EEA1: variants seen among roughly 807,000 people sequenced by gnomAD.
EEA1 encodes the protein early endosome antigen 1, 162kD.
EEA1 carries 111 observed loss-of-function variants against 209.2 expected under a neutral mutation model. The observed-to-expected ratio is 0.53, with a 90% CI of 0.45 to 0.62. The LOEUF (loss-of-function observed/expected upper bound fraction) is 0.62, where lower values mean the gene tolerates loss of function less well. Ranked by LOEUF, EEA1 falls within the 20% of genes least tolerant of loss-of-function variation. The pLI is 0.00. For missense variants in EEA1, 1,343 were observed against 1,530.8 expected (o/e 0.88, Z 2.05); for synonymous variants, 536 against 540.6 (o/e 0.99, Z 0.12).
In EEA1 at chr12:92,886,998, CAACA is replaced by C. The variant is rs1555207007; in HGVS notation, c.117+4627_117+4630del. ...TGGGCAACAGAGCGGGACTCCATCT[CAACA>C]AACAAACAAACAAACAAACAAACAA... On this transcript the variant is annotated intron_variant, in intron 2 of 28. Coordinates refer to ENST00000322349, the MANE Select transcript of EEA1 (RefSeq NM_003566.4). Among the ~76,000 whole-genome samples, 63 of 150,006 alleles carry C rather than the reference CAACA, an allele frequency of 4.2e-4. No individual in the cohort carries two copies. In the South Asian group the frequency reaches 6.5e-3, roughly 15 times the overall value.
rs1239750435 is a variant in EEA1 at position 92,819,523 on chromosome 12, T to C, written c.1525-12A>G. 1.3e-6 allele frequency: 2 copies of C among 1,553,676 alleles called. No individual in the cohort carries two copies. The highest frequency in any genetic ancestry group is 2.1e-4 in the Middle Eastern group (1 of 4,802). Reference sequence around the variant, plus strand: ...TGTTCCAAATCATTCTGTAAAGAATTGAAAACTACTACTTTAAGAATAGAG... The same window carrying C: ...TGTTCCAAATCATTCTGTAAAGAATCGAAAACTACTACTTTAAGAATAGAG... On this transcript the variant is annotated splice_polypyrimidine_tract_variant and intron_variant, in intron 13 of 28. Coordinates refer to ENST00000322349, the MANE Select transcript of EEA1 (RefSeq NM_003566.4).
chr12:92,801,514 G>T, intron 20 of EEA1, 86 bp downstream of exon 20: 4 of 880,998 alleles, frequency 4.5e-6, no homozygotes, highest in Non-Finnish European at 4.9e-6. Flanking sequence ...ATGCCCCCAA[G>T]AACAAACATG....
chr12:92,795,300 C>T (rs938037214), intron 21 of EEA1, among the ~76,000 whole-genome samples: 9 of 152,204 alleles, frequency 5.9e-5, no homozygotes, highest in African/African-American at 2.2e-4. Context: ...TTCAGCAAAG[C>T]TTCTTTGATC....
At chr12:92,896,313 T>C (rs756809768) in intron 1 of EEA1, among the ~76,000 whole-genome samples, 2 of 152,130 alleles carry the variant, frequency 1.3e-5, no homozygotes, top group Non-Finnish European at 2.9e-5. Flanking sequence ...GGAGGAGGAA[T>C]GGCTTCTTAG....
At chr12:92,911,741 G>T (rs12309380) in intron 1 of EEA1, among the ~76,000 whole-genome samples, 224 of 152,316 alleles carry the variant, frequency 1.5e-3, no homozygotes, top group African/African-American at 5.2e-3. Flanking sequence ...GGGGCAGGAA[G>T]TACATGGGAA....
chr12:92,820,701 T>C (rs1281234493), intron 13 of EEA1, among the ~76,000 whole-genome samples: 1 of 152,144 alleles, frequency 6.6e-6, no homozygotes, highest in East Asian at 1.9e-4. Flanking sequence ...CCATGGTACA[T>C]GTGTAACTAT....
At chr12:92,837,324 G>A (rs963542109) in intron 10 of EEA1, among the ~76,000 whole-genome samples, 14 of 152,158 alleles carry the variant, frequency 9.2e-5, no homozygotes, top group African/African-American at 2.9e-4. Flanking sequence ...TGGCAAAGCT[G>A]AGATTTAAGA....
intron 2 of EEA1, among the ~76,000 whole-genome samples, chr12:92,875,075 T>C (rs1878824299): frequency 6.6e-6 from 1 of 152,166 alleles, no homozygotes; most frequent in African/African-American, 2.4e-5. Context: ...TGTTGTGGTA[T>C]GGTGCTAAGA....
At chr12:92,917,691 G>A (rs1255479586) in intron 1 of EEA1, among the ~76,000 whole-genome samples, 1 of 144,728 alleles carries the variant, frequency 6.9e-6, no homozygotes, top group Non-Finnish European at 1.5e-5. Flanking sequence ...ATCAACTAAC[G>A]AGCAAAATCA....
At chr12:92,835,488 T>C in intron 10 of EEA1, 1 of 244,236 alleles carries the variant, frequency 4.1e-6, no homozygotes, top group Non-Finnish European at 7.7e-6. Flanking sequence ...ATTGGCTCAC[T>C]GCAAGCTCCA....
intron 2 of EEA1, among the ~76,000 whole-genome samples, chr12:92,877,788 C>A (rs907440358): frequency 1.3e-5 from 2 of 152,184 alleles, no homozygotes; most frequent in East Asian, 1.9e-4. Flanking sequence ...TAGCCATGAG[C>A]CACCACGCCT....
intron 21 of EEA1, among the ~76,000 whole-genome samples, chr12:92,791,199 G>A (rs1415952824): frequency 2.0e-5 from 3 of 152,166 alleles, no homozygotes; most frequent in Non-Finnish European, 4.4e-5. Context: ...TTGATGCTAT[G>A]AAGAAACTGC....
intron 10 of EEA1, among the ~76,000 whole-genome samples, chr12:92,839,201 C>T (rs529536420): frequency 7.9e-5 from 12 of 152,250 alleles, no homozygotes; most frequent in African/African-American, 2.9e-4. Context: ...TTTGGAAGAT[C>T]TGAGTAACTC....
intron 21 of EEA1, among the ~76,000 whole-genome samples, chr12:92,792,376 G>A (rs572094867): frequency 2.0e-5 from 3 of 151,978 alleles, no homozygotes; most frequent in African/African-American, 7.2e-5. Context: ...TTGATAGACT[G>A]CTAGCAAGAT....
At chr12:92,908,725 A>C (rs1345870302) in intron 1 of EEA1, among the ~76,000 whole-genome samples, 1 of 152,242 alleles carries the variant, frequency 6.6e-6, no homozygotes, top group Non-Finnish European at 1.5e-5. Context: ...GCTAATGTTA[A>C]GAACCAAGAT....
intron 23 of EEA1, among the ~76,000 whole-genome samples, 199 bp from the exon 24 acceptor site, chr12:92,780,610 AT>A (rs2136649493): frequency 6.6e-6 from 1 of 152,294 alleles, no homozygotes; most frequent in South Asian, 2.1e-4. Context: ...AATTGTAAAG[AT>A]TAAATAGTTA....
chr12:92,910,561 A>G (rs1400827035), intron 1 of EEA1, among the ~76,000 whole-genome samples: 3 of 152,196 alleles, frequency 2.0e-5, no homozygotes, highest in South Asian at 4.1e-4. Flanking sequence ...AGGAGAAATT[A>G]CTGTGGTTTG....
chr12:92,782,598 G>C (rs1419114018), intron 22 of EEA1, among the ~76,000 whole-genome samples: 4 of 152,210 alleles, frequency 2.6e-5, no homozygotes, highest in African/African-American at 9.6e-5. Flanking sequence ...TAGGTTCTAT[G>C]ATGTCCCTTG....
chr12:92,804,486 C>A (rs1351092090), intron 18 of EEA1, among the ~76,000 whole-genome samples: 1 of 149,706 alleles, frequency 6.7e-6, no homozygotes, highest in Non-Finnish European at 1.5e-5. Context: ...GCAGGAGAAT[C>A]GCTTGAACCC....
Sources: allele counts gnomAD v4.1 joint callset (sites outside exome capture counted in the v4.1 genomes callset), GRCh38; gene constraint gnomAD v4.1.1; transcripts MANE v1.5; gene names NCBI Gene and HGNC (gene_info 2026-07-23, HGNC 2026-07-21).